Variants in PHACTR3 observed in about 807,000 individuals in gnomAD.
PHACTR3 encodes protein phosphatase 1, regulatory subunit 123.
In PHACTR3, 16 loss-of-function variants were observed where a neutral mutation model predicts 66.8. The observed-to-expected ratio is 0.24, with a 90% CI of 0.16 to 0.36. The LOEUF is 0.36. PHACTR3 is among the 10% of genes least tolerant of loss of function. PHACTR3 has a pLI of 1.00. For synonymous variants in PHACTR3, 323 were observed against 292.1 expected, an observed-to-expected ratio of 1.11 and a Z score of -1.08; for missense variants, 647 against 719.9, an observed-to-expected ratio of 0.90 and a Z score of 1.16.
intron 3 of PHACTR3, among the ~76,000 whole-genome samples, chr20:59,750,490 A>C (rs890378791): frequency 6.6e-6 from 1 of 152,186 alleles, no homozygotes; most frequent in Non-Finnish European, 1.5e-5. Context: ...AGGAGCAGCA[A>C]GCACAAGTCC....
intron 7 of PHACTR3, among the ~76,000 whole-genome samples, chr20:59,789,192 C>A (rs1342170108): frequency 6.6e-6 from 1 of 152,138 alleles, no homozygotes; most frequent in Non-Finnish European, 1.5e-5. Flanking sequence ...CATCTTCCTG[C>A]AGGGTGCAGG....
chr20:59,841,591 AT>A, intron 11 of PHACTR3, 56 bp downstream of exon 11: 1 of 1,551,684 alleles, frequency 6.4e-7, no homozygotes, highest in Non-Finnish European at 8.7e-7. Flanking sequence ...AAGGCAAAAT[AT>A]GTCATGCCAG....
intron 1 of PHACTR3, among the ~76,000 whole-genome samples, chr20:59,615,228 T>A (rs1003334535): frequency 6.6e-6 from 1 of 152,204 alleles, no homozygotes; most frequent in Non-Finnish European, 1.5e-5. Flanking sequence ...ATGAAGGTAG[T>A]GCTTGGAAGA....
chr20:59,747,413 G>A (rs1454594649), intron 2 of PHACTR3, among the ~76,000 whole-genome samples: 1 of 152,256 alleles, frequency 6.6e-6, no homozygotes, highest in Non-Finnish European at 1.5e-5. Context: ...ACTTTCCTTG[G>A]TTGGTAATTT....
chr20:59,714,275 C>T (rs991313400), intron 1 of PHACTR3, among the ~76,000 whole-genome samples: 9 of 152,104 alleles, frequency 5.9e-5, no homozygotes, highest in Non-Finnish European at 2.9e-5. Context: ...GGAGTATTTG[C>T]CTACCCACAA....
At chr20:59,733,443 C>A (rs2038839808) in intron 1 of PHACTR3, among the ~76,000 whole-genome samples, 1 of 152,156 alleles carries the variant, frequency 6.6e-6, no homozygotes, top group Non-Finnish European at 1.5e-5. Flanking sequence ...TGGCCACAGG[C>A]AATTGGATTT....
rs143886767 is a variant in PHACTR3, at chr20:59,726,080, C to T, written c.119-17027C>T. Among the ~76,000 whole-genome samples the T allele has an allele frequency of 6.6e-5, 10 of 152,328 alleles. No homozygotes were observed. In the East Asian group the frequency reaches 1.9e-3, roughly 29 times the overall value. On this transcript the variant is annotated intron_variant, in intron 1 of 12. Coordinates refer to ENST00000371015, the MANE Select transcript of PHACTR3 (RefSeq NM_080672.5). ...TCTGATGTCAGCTATAGCAGTGCCTCCAGGGTCGATGGCACGAGCCCAGTT... is the reference window on the plus strand; with the variant it reads ...TCTGATGTCAGCTATAGCAGTGCCTTCAGGGTCGATGGCACGAGCCCAGTT...
chr20:59,629,724 T>C (rs1187397751), intron 1 of PHACTR3, among the ~76,000 whole-genome samples: 2 of 152,234 alleles, frequency 1.3e-5, no homozygotes, highest in African/African-American at 4.8e-5. Flanking sequence ...AATTGGAGCT[T>C]AGTGCTCATG....
Position 59,604,975 on chromosome 20 carries a change from A to G in PHACTR3, c.-40A>G. On this transcript the variant is annotated 5_prime_UTR_variant, in exon 1 of 13. Coordinates refer to ENST00000371015, the MANE Select transcript of PHACTR3 (RefSeq NM_080672.5). Reference sequence around the variant, plus strand: ...TGGCCGCCTCGGATGCTCTGATTCCACGCGGCTCGCTCTAACTTGCCCCCG... The same window carrying G: ...TGGCCGCCTCGGATGCTCTGATTCCGCGCGGCTCGCTCTAACTTGCCCCCG... 8.0e-7 allele frequency: 1 copy of G among 1,247,554 alleles called. No homozygotes were observed. Among genetic ancestry groups the G allele is most frequent in the South Asian group, 3.0e-5 (1 of 33,664 alleles). 77.3% of individuals were successfully genotyped at this position (1,247,554 alleles called of 1,614,324 possible). A position where few individuals can be genotyped will look rare whatever the true frequency, so the allele number is the denominator to read the frequency against.
At chr20:59,668,849 C>T (rs1052324610) in intron 1 of PHACTR3, among the ~76,000 whole-genome samples, 2 of 146,798 alleles carry the variant, frequency 1.4e-5, no homozygotes, top group African/African-American at 5.1e-5. Context: ...TACAGGTGCC[C>T]GTCACCACAC....
chr20:59,635,139 CTTTCTTTCTTTT>C (rs1212121874), intron 1 of PHACTR3, among the ~76,000 whole-genome samples: 4 of 71,126 alleles, frequency 5.6e-5, no homozygotes, highest in African/African-American at 1.1e-4. Context: ...TTCTTTCTTT[CTTTCTTTCTTTT>C]TCTTTCTTTC....
At chr20:59,598,708 A>G (rs2033393009) in intron 1 of PHACTR3, among the ~76,000 whole-genome samples, 1 of 152,128 alleles carries the variant, frequency 6.6e-6, no homozygotes, top group South Asian at 2.1e-4. Flanking sequence ...CTAGGTAGAG[A>G]GTCCCTCAGG....
intron 1 of PHACTR3, among the ~76,000 whole-genome samples, chr20:59,735,773 T>A (rs1400558213): frequency 6.6e-6 from 1 of 152,140 alleles, no homozygotes; most frequent in East Asian, 1.9e-4. Context: ...ATGGAGCTTA[T>A]GTTTGTTCTC....
At chr20:59,601,677 A>G (rs1040602143), upstream of PHACTR3, among the ~76,000 whole-genome samples, 1 of 152,238 alleles carries the variant, frequency 6.6e-6, no homozygotes, top group Non-Finnish European at 1.5e-5. Context: ...AGACCTTATT[A>G]TCTTCTATTG....
At chr20:59,627,308 C>G (rs1214250864) in intron 1 of PHACTR3, among the ~76,000 whole-genome samples, 1 of 152,144 alleles carries the variant, frequency 6.6e-6, no homozygotes, top group African/African-American at 2.4e-5. Context: ...AGATACCTCC[C>G]AAATAAGCTA....
At chr20:59,707,852 A>C (rs1038361279) in intron 1 of PHACTR3, among the ~76,000 whole-genome samples, 2 of 152,198 alleles carry the variant, frequency 1.3e-5, no homozygotes, top group Non-Finnish European at 2.9e-5. Flanking sequence ...CACCAGAAGC[A>C]GACATCAGTG....
At chr20:59,831,480 A>G (rs1470618424) in intron 8 of PHACTR3, among the ~76,000 whole-genome samples, 1 of 152,148 alleles carries the variant, frequency 6.6e-6, no homozygotes, top group Non-Finnish European at 1.5e-5. Context: ...CTCAGTGGGG[A>G]GAGTCAGAAA....
chr20:59,672,421 A>G (rs1241738098), intron 1 of PHACTR3, among the ~76,000 whole-genome samples: 1 of 152,202 alleles, frequency 6.6e-6, no homozygotes, highest in African/African-American at 2.4e-5. Context: ...GCCTGCATGT[A>G]GAATCACACT....
At chr20:59,747,718 C>G (rs1001984243) in intron 2 of PHACTR3, 40 bp from the exon 3 acceptor site, 3 of 1,604,300 alleles carry the variant, frequency 1.9e-6, no homozygotes, top group Non-Finnish European at 2.6e-6. Flanking sequence ...CCAGTGACAC[C>G]TTTGCCTGAG....
Sources: gnomAD v4.1 joint callset for allele counts (sites outside exome capture counted in the v4.1 genomes callset) on GRCh38, gnomAD v4.1.1 for gene constraint, MANE v1.5 for transcripts, NCBI Gene and HGNC (gene_info 2026-07-23, HGNC 2026-07-21) for gene names.